Variants in PPP2R2B observed in about 807,000 individuals in gnomAD.
PPP2R2B encodes the protein protein phosphatase 2 regulatory subunit Bbeta.
A neutral mutation model predicts 46.0 loss-of-function variants in PPP2R2B; 5 were observed. The ratio of observed to expected loss-of-function variants is 0.11; its 90% CI spans 0.06 to 0.23. The LOEUF is 0.23. PPP2R2B is among the 10% of genes least tolerant of loss of function. PPP2R2B has a pLI of 1.00. For missense variants in PPP2R2B, 367 were observed against 575.0 expected, an observed-to-expected ratio of 0.64 and a Z score of 3.70; for synonymous variants, 215 against 206.7, an observed-to-expected ratio of 1.04 and a Z score of -0.34.
At chr5:146,697,882 G>A in intron 4 of PPP2R2B, 97 bp downstream of exon 4, 1 of 1,245,488 alleles carries the variant, frequency 8.0e-7, no homozygotes, top group South Asian at 1.5e-5. Flanking sequence ...TTTTTCAACA[G>A]CCCACACAGT....
chr5:146,836,265 C>T (rs1476263822), intron 2 of PPP2R2B, among the ~76,000 whole-genome samples: 1 of 152,086 alleles, frequency 6.6e-6, no homozygotes, highest in Non-Finnish European at 1.5e-5. Context: ...ATCCTTACCA[C>T]ACATATATCC....
At chr5:146,811,555 G>A (rs1050762401) in intron 2 of PPP2R2B, among the ~76,000 whole-genome samples, 3 of 120,922 alleles carry the variant, frequency 2.5e-5, no homozygotes, top group Non-Finnish European at 5.0e-5. Flanking sequence ...GATCAACTAT[G>A]TATTTTTTTT....
At chr5:146,845,024 C>T (rs1388466915) in intron 2 of PPP2R2B, among the ~76,000 whole-genome samples, 1 of 152,182 alleles carries the variant, frequency 6.6e-6, no homozygotes, top group Non-Finnish European at 1.5e-5. Context: ...ACTTCTTCAT[C>T]TCACACCACT....
intron 1 of PPP2R2B, among the ~76,000 whole-genome samples, chr5:146,948,583 A>G (rs201521141): frequency 1.1e-5 from 1 of 90,820 alleles, no homozygotes; most frequent in Non-Finnish European, 2.1e-5. Flanking sequence ...AAACAAAGGG[A>G]AAAAAAGAAA....
chr5:147,077,122 A>G (rs1285178536), intron 2 of PPP2R2B, among the ~76,000 whole-genome samples: 7 of 132,600 alleles, frequency 5.3e-5, no homozygotes, highest in South Asian at 2.2e-4. Flanking sequence ...GTAATATTGT[A>G]TATTGTATAT....
At chr5:146,729,562 A>AG (rs1339407314) in intron 2 of PPP2R2B, among the ~76,000 whole-genome samples, 2 of 152,202 alleles carry the variant, frequency 1.3e-5, no homozygotes, top group Non-Finnish European at 2.9e-5. Flanking sequence ...CCAGAGGCCC[A>AG]GGGGGAAAAA....
chr5:147,023,891 A>G (rs1211562458), intron 1 of PPP2R2B, among the ~76,000 whole-genome samples: 1 of 151,404 alleles, frequency 6.6e-6, no homozygotes, highest in Non-Finnish European at 1.5e-5. Flanking sequence ...TGGGACATCC[A>G]TCTTTTGCCC....
chr5:146,975,459 G>C (rs1752855324), intron 1 of PPP2R2B, among the ~76,000 whole-genome samples: 1 of 152,176 alleles, frequency 6.6e-6, no homozygotes, highest in South Asian at 2.1e-4. Context: ...TAATGCTGCT[G>C]TAAACATGGG....
At chr5:146,706,572 T>G in intron 2 of PPP2R2B, 2 of 903,642 alleles carry the variant, frequency 2.2e-6, no homozygotes, top group South Asian at 2.6e-5. Flanking sequence ...CTCGGACAGC[T>G]TAGCGTTGGC....
chr5:146,606,936 A>G (rs1223305318), intron 7 of PPP2R2B: 4 of 152,084 alleles, frequency 2.6e-5, no homozygotes, highest in African/African-American at 9.7e-5. Flanking sequence ...CAGGGCTTTA[A>G]ATTGCTCACT....
At chr5:146,626,794 A>G (rs1242866210) in intron 7 of PPP2R2B, among the ~76,000 whole-genome samples, 1 of 152,182 alleles carries the variant, frequency 6.6e-6, no homozygotes, top group Non-Finnish European at 1.5e-5. Flanking sequence ...GTCTCATTCA[A>G]GACCCCAAGT....
chr5:146,924,024 A>G (rs189956625), intron 1 of PPP2R2B, among the ~76,000 whole-genome samples: 22 of 152,294 alleles, frequency 1.4e-4, no homozygotes, highest in African/African-American at 4.6e-4. Flanking sequence ...TAAATGATGA[A>G]AACATATGGA....
At chr5:147,031,052 C>A (rs898314027) in intron 1 of PPP2R2B, among the ~76,000 whole-genome samples, 1 of 151,996 alleles carries the variant, frequency 6.6e-6, no homozygotes, top group African/African-American at 2.4e-5. Context: ...CTGACTAACA[C>A]GGTAAAACCC....
At chr5:146,757,981 A>G (rs1025638507) in intron 2 of PPP2R2B, among the ~76,000 whole-genome samples, 1 of 152,198 alleles carries the variant, frequency 6.6e-6, no homozygotes, top group Admixed American at 6.5e-5. Context: ...TGTCCAAAGG[A>G]AAACAACCAA....
Position 146,625,345 on chromosome 5 carries a change from C to A in PPP2R2B, c.790+12906G>T, listed in dbSNP as rs115905669. Among the ~76,000 whole-genome samples, 1,067 of 152,174 alleles carry A rather than the reference C, an allele frequency of 7.0e-3. 15 individuals are homozygous for A. The highest frequency in any genetic ancestry group is 0.025 in the African/African-American group (1,029 of 41,514). The stretch of plus-strand genomic sequence containing the variant: ...GTGTGTGTGTAATGTATTCTTAATG[C>A]TAGAAATGAGCAAACAGTGGGTCAA... On this transcript the variant is annotated intron_variant, in intron 7 of 9. Transcript: ENST00000394411.
rs189834904 is a variant in PPP2R2B, at chr5:147,026,604, T to A, written c.79+29061A>T. Among the ~76,000 whole-genome samples, 3 of 152,296 alleles carry A rather than the reference T, an allele frequency of 2.0e-5. No homozygotes were observed. In the East Asian group the frequency reaches 5.8e-4, roughly 29 times the overall value. The stretch of plus-strand genomic sequence containing the variant: ...TATGTACAATTTACTGTAGGCCAAC[T>A]ATACCTCAACAAATTTAAAAAGTCA... On this transcript the variant is annotated intron_variant, in intron 1 of 8. Transcript: ENST00000336640.
chr5:146,744,265 A>C (rs988642214), intron 2 of PPP2R2B, among the ~76,000 whole-genome samples: 2 of 152,172 alleles, frequency 1.3e-5, no homozygotes, highest in African/African-American at 4.8e-5. Context: ...TAACATGGCT[A>C]CTTCAGCCAC....
At chr5:146,848,623 A>C (rs1447359796) in intron 2 of PPP2R2B, among the ~76,000 whole-genome samples, 2 of 152,068 alleles carry the variant, frequency 1.3e-5, no homozygotes, top group African/African-American at 4.8e-5. Context: ...CTATATCAAC[A>C]TGCCTTATTT....
chr5:147,063,325 G>C (rs1485978358), intron 2 of PPP2R2B, among the ~76,000 whole-genome samples: 1 of 151,996 alleles, frequency 6.6e-6, no homozygotes, highest in African/African-American at 2.4e-5. Flanking sequence ...AACAGTAACA[G>C]TTTTACTAAA....
Sources: gnomAD v4.1 joint callset for allele counts (sites outside exome capture counted in the v4.1 genomes callset) on GRCh38, gnomAD v4.1.1 for gene constraint, MANE v1.5 for transcripts, NCBI Gene and HGNC (gene_info 2026-07-23, HGNC 2026-07-21) for gene names.